Variants in HECW1 observed in about 807,000 individuals in gnomAD.
HECW1 encodes E3 ubiquitin-protein ligase HECW1.
HECW1 carries 61 observed loss-of-function variants against 182.3 expected under a neutral mutation model. That is an observed-to-expected ratio of 0.33 (90% confidence interval 0.27 to 0.41). The LOEUF (loss-of-function observed/expected upper bound fraction) is 0.41. HECW1 is among the 10% of genes least tolerant of loss of function. The pLI is 1.00. For synonymous variants in HECW1, 859 were observed against 832.6 expected, an observed-to-expected ratio of 1.03 and a Z score of -0.55; for missense variants, 1,739 against 2,108.9, an observed-to-expected ratio of 0.82 and a Z score of 3.44.
intron 1 of HECW1, among the ~76,000 whole-genome samples, chr7:43,113,296 G>C (rs1041085794): frequency 6.6e-6 from 1 of 152,080 alleles, no homozygotes; most frequent in Non-Finnish European, 1.5e-5. Context: ...GGGGCGGAGA[G>C]ACCTACGTAA....
intron 2 of HECW1, among the ~76,000 whole-genome samples, chr7:43,169,782 G>A (rs1169272858): frequency 6.8e-6 from 1 of 146,608 alleles, no homozygotes. Flanking sequence ...TTCGCCTCCC[G>A]GGTTCACGCC....
chr7:43,344,027 G>T (rs1167053087), intron 5 of HECW1, among the ~76,000 whole-genome samples: 1 of 151,746 alleles, frequency 6.6e-6, no homozygotes, highest in Non-Finnish European at 1.5e-5. Flanking sequence ...GCATTTCTTC[G>T]TGTGTCTGTT....
intron 3 of HECW1, among the ~76,000 whole-genome samples, chr7:43,310,955 A>G (rs1029382492): frequency 1.3e-5 from 2 of 152,192 alleles, no homozygotes; most frequent in African/African-American, 4.8e-5. Context: ...TTGTTTCTGC[A>G]TGAGTTCTAT....
At chr7:43,415,429 T>G (rs1331981782) in intron 8 of HECW1, among the ~76,000 whole-genome samples, 1 of 149,386 alleles carries the variant, frequency 6.7e-6, no homozygotes, top group African/African-American at 2.5e-5. Flanking sequence ...CCTTTGAGGG[T>G]AACCCGACCT....
chr7:43,118,971 A>G (rs925106533), intron 2 of HECW1: 5 of 152,328 alleles, frequency 3.3e-5, no homozygotes, highest in African/African-American at 1.2e-4. Flanking sequence ...AGGTTGTCCC[A>G]CTGGCCTTCT....
At chr7:43,250,728 T>C (rs116101565) in intron 3 of HECW1, among the ~76,000 whole-genome samples, 1,956 of 152,322 alleles carry the variant, frequency 0.013, 44 homozygotes, top group African/African-American at 0.045. Context: ...TTTATTTTAT[T>C]TGGCTGCCGG....
intron 24 of HECW1, among the ~76,000 whole-genome samples, chr7:43,520,057 A>T (rs1026577400): frequency 6.6e-6 from 1 of 152,208 alleles, no homozygotes; most frequent in Non-Finnish European, 1.5e-5. Context: ...CCAAGATGCC[A>T]TTTGGTAAAA....
At chr7:43,433,257 T>G (rs1193988607) in intron 8 of HECW1, among the ~76,000 whole-genome samples, 1 of 152,234 alleles carries the variant, frequency 6.6e-6, no homozygotes, top group Non-Finnish European at 1.5e-5. Flanking sequence ...AGATTTAGAT[T>G]TGGTGTAAGA....
intron 8 of HECW1, among the ~76,000 whole-genome samples, chr7:43,412,681 C>T (rs2075846953): frequency 6.7e-6 from 1 of 149,212 alleles, no homozygotes; most frequent in Non-Finnish European, 1.5e-5. Flanking sequence ...TCAATTCCCA[C>T]CTATGAGTGA....
intron 2 of HECW1, among the ~76,000 whole-genome samples, chr7:43,150,308 G>T (rs1789157387): frequency 6.6e-6 from 1 of 152,174 alleles, no homozygotes; most frequent in Non-Finnish European, 1.5e-5. Context: ...GTATTCCTCT[G>T]ACCAATTGAT....
chr7:43,347,551 C>T (rs1813844319), intron 5 of HECW1, among the ~76,000 whole-genome samples: 1 of 151,876 alleles, frequency 6.6e-6, no homozygotes, highest in Non-Finnish European at 1.5e-5. Flanking sequence ...CTAGGACTTC[C>T]AGTACCATGT....
At chr7:43,381,558 C>T (rs899668630) in intron 6 of HECW1, among the ~76,000 whole-genome samples, 7 of 151,078 alleles carry the variant, frequency 4.6e-5, no homozygotes, top group East Asian at 1.9e-4. Flanking sequence ...GTGCGATATC[C>T]GCTCACTGCA....
chr7:43,548,918 TG>T (rs1159280209), intron 26 of HECW1, among the ~76,000 whole-genome samples: 1 of 152,206 alleles, frequency 6.6e-6, no homozygotes, highest in Non-Finnish European at 1.5e-5. Flanking sequence ...CACTCCAGCC[TG>T]GGTGACAGAG....
chr7:43,276,051 G>A (rs917363992), intron 3 of HECW1, among the ~76,000 whole-genome samples: 2 of 152,216 alleles, frequency 1.3e-5, no homozygotes, highest in Admixed American at 1.3e-4. Flanking sequence ...TTGTGCAGAA[G>A]GCCCCTTATC....
intron 8 of HECW1, among the ~76,000 whole-genome samples, chr7:43,408,292 G>T (rs1271161805): frequency 1.3e-5 from 2 of 152,144 alleles, no homozygotes; most frequent in African/African-American, 4.8e-5. Context: ...GCTTGCTACA[G>T]TATTGAATAG....
chr7:43,531,943 A>T (rs533610784), intron 24 of HECW1, among the ~76,000 whole-genome samples: 2 of 152,182 alleles, frequency 1.3e-5, no homozygotes, highest in African/African-American at 4.8e-5. Flanking sequence ...TTCAAATGCC[A>T]TCTGCATCCT....
chr7:43,232,021 CAAA>C (rs34791514), intron 2 of HECW1, among the ~76,000 whole-genome samples: 6 of 71,360 alleles, frequency 8.4e-5, no homozygotes, highest in African/African-American at 2.2e-4. Context: ...GACTCCATCT[CAAA>C]AAAAAAAAAA....
chr7:43,483,610 G>A (rs2078518558), intron 17 of HECW1, among the ~76,000 whole-genome samples: 1 of 144,606 alleles, frequency 6.9e-6, no homozygotes, highest in African/African-American at 2.5e-5. Flanking sequence ...GTGCAGTGGT[G>A]CGATCTCGGC....
chr7:43,114,619 C>T (rs1241623388), intron 2 of HECW1, among the ~76,000 whole-genome samples: 1 of 152,210 alleles, frequency 6.6e-6, no homozygotes, highest in Non-Finnish European at 1.5e-5. Flanking sequence ...ATTCCTAGAC[C>T]TCCAGGCAAA....
Sources: gnomAD v4.1 joint callset for allele counts (sites outside exome capture counted in the v4.1 genomes callset) on GRCh38, gnomAD v4.1.1 for gene constraint, MANE v1.5 for transcripts, NCBI Gene and HGNC (gene_info 2026-07-23, HGNC 2026-07-21) for gene names.